Variants in PAK1 observed in about 807,000 individuals in gnomAD.
PAK1 encodes serine/threonine-protein kinase PAK 1.
A neutral mutation model predicts 67.4 loss-of-function variants in PAK1; 29 were observed. The ratio of observed to expected loss-of-function variants is 0.43; its 90% CI spans 0.32 to 0.59. PAK1 has a LOEUF of 0.59. Ranked by LOEUF, PAK1 falls within the 20% of genes least tolerant of loss-of-function variation. The probability of loss-of-function intolerance (pLI) is 0.07; values close to 1 mark genes in which losing one functional copy is unlikely to be tolerated. For synonymous variants in PAK1, 223 were observed against 237.4 expected (o/e 0.94, Z 0.56); for missense variants, 337 against 670.7 (o/e 0.50, Z 5.50).
At chr11:77,376,531 G>A (rs1253290503) in intron 4 of PAK1, among the ~76,000 whole-genome samples, 1 of 152,038 alleles carries the variant, frequency 6.6e-6, no homozygotes, top group Non-Finnish European at 1.5e-5. Context: ...GAGGTCAATA[G>A]GTCAAGACCA....
chr11:77,387,124 G>A (rs947929613), intron 2 of PAK1, among the ~76,000 whole-genome samples: 7 of 148,168 alleles, frequency 4.7e-5, no homozygotes, highest in Non-Finnish European at 8.9e-5. Context: ...CCAGGCTGGA[G>A]TGCAGTAGCA....
intron 14 of PAK1, 40 bp downstream of exon 14, chr11:77,332,690 A>C: frequency 6.3e-7 from 1 of 1,580,844 alleles, no homozygotes; most frequent in Non-Finnish European, 8.7e-7. Flanking sequence ...TGGTTTAGTG[A>C]TTCCCTGAAT....
At chr11:77,479,602 C>CTTTT (rs34649009), upstream of PAK1, among the ~76,000 whole-genome samples, 14 of 80,538 alleles carry the variant, frequency 1.7e-4, no homozygotes, top group Non-Finnish European at 2.2e-4. Flanking sequence ...GAAAAATAAA[C>CTTTT]TTTTTTTTTT....
Position 77,375,598 on chromosome 11 carries a change from T to C in PAK1, c.440-1233A>G, listed in dbSNP as rs1448551029. Among the ~76,000 whole-genome samples, 4 of 152,240 alleles carry C rather than the reference T, an allele frequency of 2.6e-5. 1 individual carries two copies. The highest frequency in any genetic ancestry group is 5.9e-5 in the Non-Finnish European group (4 of 68,034). ...TTTCTAAAGCATGTTATGGTTTAAT[T>C]GGCAGCTTTATTTTCTTTGATTGGT... On this transcript the variant is annotated intron_variant, in intron 4 of 14. Transcript: ENST00000356341.
intron 1 of PAK1, among the ~76,000 whole-genome samples, chr11:77,453,884 C>CTGAGCAATATGGCAATATGGCGAAATATG: frequency 6.6e-6 from 1 of 152,086 alleles, no homozygotes; most frequent in East Asian, 1.9e-4. Flanking sequence ...ACTTCAAGAC[C>CTGAGCAATATGGCAATATGGCGAAATATG]AGTCTGGCAA....
At chr11:77,488,786 G>C in the PAK1 span, among the ~76,000 whole-genome samples, 2 of 152,014 alleles carry the variant, frequency 1.3e-5, no homozygotes, top group Admixed American at 1.3e-4. Context: ...AAGGAAGTAT[G>C]ATTAAAAAAT....
chr11:77,322,755 G>A lies in PAK1; in HGVS notation c.*519C>T, dbSNP rs562545073. ...CAGCTGAGCCAAAGTCATGGTCCAG[G>A]AAGCTGAGCCTCTTCATGTCCCTGG... On this transcript the variant is annotated 3_prime_UTR_variant, in exon 15 of 15. Coordinates refer to ENST00000356341, the MANE Select transcript of PAK1 (RefSeq NM_002576.5). The A allele has an allele frequency of 8.1e-5, 25 of 310,044 alleles. No homozygotes were observed. The highest frequency in any genetic ancestry group is 5.3e-4 in the African/African-American group (25 of 47,092). 19.2% of individuals were successfully genotyped at this position (310,044 alleles called of 1,614,324 possible).
At chr11:77,401,904 G>A (rs570712741) in intron 1 of PAK1, among the ~76,000 whole-genome samples, 11 of 152,270 alleles carry the variant, frequency 7.2e-5, no homozygotes, top group African/African-American at 2.6e-4. Context: ...GGAAAAAACT[G>A]AAGTTTGTTT....
At chr11:77,460,563 T>C (rs868189129) in intron 1 of PAK1, among the ~76,000 whole-genome samples, 66 of 151,552 alleles carry the variant, frequency 4.4e-4, no homozygotes, top group African/African-American at 1.5e-3. Context: ...TTTTTTTTTT[T>C]GGTGAAGAAA....
intron 2 of PAK1, among the ~76,000 whole-genome samples, chr11:77,390,999 A>G (rs1005121740): frequency 6.6e-6 from 1 of 152,236 alleles, no homozygotes; most frequent in Non-Finnish European, 1.5e-5. Context: ...AATGTGTCCA[A>G]AATAATCATC....
intron 1 of PAK1, among the ~76,000 whole-genome samples, chr11:77,421,361 CT>C (rs1423387408): frequency 6.6e-6 from 1 of 152,236 alleles, no homozygotes; most frequent in Non-Finnish European, 1.5e-5. Flanking sequence ...TGAAATATCA[CT>C]TTATCAGATA....
chr11:77,411,244 C>G (rs1455917796), intron 1 of PAK1, among the ~76,000 whole-genome samples: 1 of 151,964 alleles, frequency 6.6e-6, no homozygotes, highest in East Asian at 1.9e-4. Context: ...ACCAGCTCAC[C>G]TCTCCAAAAG....
intron 5 of PAK1, among the ~76,000 whole-genome samples, chr11:77,366,703 A>T (rs1226191618): frequency 6.6e-6 from 1 of 152,230 alleles, no homozygotes; most frequent in Non-Finnish European, 1.5e-5. Context: ...AACAACAGGG[A>T]CAGGCAAAGA....
chr11:77,336,331 A>G (rs1474301633), intron 12 of PAK1, 49 bp from the exon 13 acceptor site: 5 of 1,423,214 alleles, frequency 3.5e-6, no homozygotes, highest in South Asian at 1.2e-5. Flanking sequence ...ATATACACTC[A>G]CTTCAGTAAG....
At chr11:77,513,248 A>T in the PAK1 span, among the ~76,000 whole-genome samples, 1 of 152,176 alleles carries the variant, frequency 6.6e-6, no homozygotes, top group African/African-American at 2.4e-5. Context: ...TTAATGAGTT[A>T]ATCTAGATAA....
chr11:77,525,250 A>G, the PAK1 span, among the ~76,000 whole-genome samples: 1 of 151,644 alleles, frequency 6.6e-6, no homozygotes, highest in African/African-American at 2.4e-5. Context: ...TAGGAGGCTG[A>G]GGCTGGAGGA....
intron 2 of PAK1, among the ~76,000 whole-genome samples, chr11:77,388,393 G>A (rs951327033): frequency 1.3e-5 from 2 of 152,076 alleles, no homozygotes; most frequent in Admixed American, 6.6e-5. Context: ...TCGCTCTGTC[G>A]CCCAGGCTGA....
At chr11:77,510,683 G>A in the PAK1 span, among the ~76,000 whole-genome samples, 1 of 152,184 alleles carries the variant, frequency 6.6e-6, no homozygotes, top group Non-Finnish European at 1.5e-5. Flanking sequence ...GTTTCTTTGT[G>A]CTTCACATAT....
At position 77,456,577 on chromosome 11, in the gene PAK1, G is replaced by A. The variant is rs370774769; in HGVS notation, c.-22+16975C>T. Among the ~76,000 whole-genome samples the A allele has an allele frequency of 8.5e-5, 13 of 152,238 alleles. No individual in the cohort carries two copies. In the East Asian group the frequency reaches 1.5e-3, roughly 18 times the overall value. ...GAGGGCAGGGCTATAAATTAAAGCA[G>A]AAGTCATTTAAAATCATTTTAGCTT... On this transcript the variant is annotated intron_variant, in intron 1 of 14. Transcript: ENST00000356341.
Sources: gnomAD v4.1 joint callset for allele counts (sites outside exome capture counted in the v4.1 genomes callset) on GRCh38, gnomAD v4.1.1 for gene constraint, MANE v1.5 for transcripts, NCBI Gene and HGNC (gene_info 2026-07-23, HGNC 2026-07-21) for gene names.